MAP3K7: variants seen among roughly 807,000 people sequenced by gnomAD.
MAP3K7 encodes mitogen-activated protein kinase kinase kinase 7, also known as TGF-beta activated kinase 1.
In MAP3K7, 21 loss-of-function variants were observed where a neutral mutation model predicts 84.8. The observed-to-expected ratio is 0.25, with a 90% CI of 0.18 to 0.36. The LOEUF is 0.36. MAP3K7 is among the 10% of genes least tolerant of loss of function. The pLI, the probability that MAP3K7 is intolerant of heterozygous loss-of-function variation, is 1.00. For synonymous variants in MAP3K7, 241 were observed against 247.7 expected, an observed-to-expected ratio of 0.97 and a Z score of 0.25; for missense variants, 503 against 747.7, an observed-to-expected ratio of 0.67 and a Z score of 3.82.
chr6:90,558,550 C>T (rs1460935110), intron 5 of MAP3K7, among the ~76,000 whole-genome samples: 1 of 152,026 alleles, frequency 6.6e-6, no homozygotes, highest in Non-Finnish European at 1.5e-5. Flanking sequence ...AATAAATGAC[C>T]TAGACCAGAC....
chr6:90,550,684 A>G, intron 8 of MAP3K7, 135 bp from the exon 9 acceptor site: 1 of 550,184 alleles, frequency 1.8e-6, no homozygotes, highest in Non-Finnish European at 3.2e-6. Flanking sequence ...GATTACAATA[A>G]TGTACTCTTG....
chr6:90,574,059 T>A (rs958316170), intron 1 of MAP3K7, among the ~76,000 whole-genome samples: 5 of 152,222 alleles, frequency 3.3e-5, no homozygotes, highest in African/African-American at 1.2e-4. Context: ...TGAGTTTGAA[T>A]GTAGGGCTCT....
At chr6:90,527,677 C>A (rs957269019) in intron 13 of MAP3K7, among the ~76,000 whole-genome samples, 8 of 152,054 alleles carry the variant, frequency 5.3e-5, no homozygotes, top group Non-Finnish European at 1.2e-4. Context: ...AGGCCACAGG[C>A]GAGGAACACA....
intron 8 of MAP3K7, 186 bp downstream of exon 8, chr6:90,551,863 G>A (rs1776188814): frequency 1.8e-6 from 1 of 557,530 alleles, no homozygotes; most frequent in Non-Finnish European, 2.8e-6. Flanking sequence ...CAGTGATAAA[G>A]AACTAGATTT....
At chr6:90,567,314 T>G (rs1462482775) in intron 3 of MAP3K7, among the ~76,000 whole-genome samples, 6 of 152,160 alleles carry the variant, frequency 3.9e-5, no homozygotes, top group African/African-American at 1.2e-4. Flanking sequence ...AATCTACGCA[T>G]CTGACAAAGG....
chr6:90,544,591 A>G lies in MAP3K7; in HGVS notation c.1252T>C (p.Phe418Leu). 1 of 1,612,608 alleles carries G rather than the reference A, an allele frequency of 6.2e-7. No homozygotes were observed. Among genetic ancestry groups the G allele is most frequent in the South Asian group, 1.1e-5 (1 of 91,052 alleles). ...TCAGGGACATCCAGAATGTTGCCAAATGAAGCAGTTTTACGGTGGCCCCGT... is the reference window on the plus strand; with the variant it reads ...TCAGGGACATCCAGAATGTTGCCAAGTGAAGCAGTTTTACGGTGGCCCCGT... ...PKRGHRKTAS[F>L]GNILDVPEIV... Residue 418 changes from phenylalanine to leucine, a missense_variant, in exon 12 of 17, where the codon TTT becomes CTT. Around this residue, in one of 5 missense-constraint regions of MAP3K7, gnomAD observed 286 missense variants for 313.6 expected, o/e 0.91. Coordinates refer to ENST00000369329, the MANE Select transcript of MAP3K7 (RefSeq NM_145331.3).
At chr6:90,553,374 A>G (rs1178798569) in intron 7 of MAP3K7, 84 bp downstream of exon 7, 2 of 1,268,102 alleles carry the variant, frequency 1.6e-6, no homozygotes, top group African/African-American at 3.0e-5. Flanking sequence ...GAGATAAATG[A>G]TATTCTTTAG....
Position 90,553,434 on chromosome 6 carries a change from T to A in MAP3K7, c.736+24A>T, listed in dbSNP as rs1353955769. The A allele has an allele frequency of 2.5e-6, 4 of 1,601,214 alleles. No homozygotes were observed. In the African/African-American group the frequency reaches 4.1e-5, roughly 16 times the overall value. The stretch of plus-strand genomic sequence containing the variant: ...AAGTAGAAAACACAAAAAGTACTTT[T>A]AAGAAAAATTTCTTTTTACGAACCA... On this transcript the variant is annotated intron_variant, in intron 7 of 16. Transcript: ENST00000369329.
intron 13 of MAP3K7, among the ~76,000 whole-genome samples, chr6:90,534,791 C>CA (rs1374831398): frequency 2.6e-5 from 4 of 152,176 alleles, no homozygotes; most frequent in African/African-American, 9.7e-5. Context: ...ACAAGCTTCT[C>CA]ATTCCTAGTC....
intron 8 of MAP3K7, 137 bp from the exon 9 acceptor site, chr6:90,550,686 G>C (rs1173374992): frequency 7.3e-6 from 4 of 546,186 alleles, no homozygotes; most frequent in Non-Finnish European, 1.3e-5. Flanking sequence ...TTACAATAAT[G>C]TACTCTTGGA....
chr6:90,519,136 A>C (rs1381780309), intron 15 of MAP3K7, 122 bp downstream of exon 15: 4 of 636,618 alleles, frequency 6.3e-6, no homozygotes, highest in Non-Finnish European at 1.1e-5. Flanking sequence ...AAAAAGTTTA[A>C]GGAGGCCAAC....
At chr6:90,551,896 TCTGA>T (rs1776190053) in intron 8 of MAP3K7, 149 bp downstream of exon 8, 1 of 761,728 alleles carries the variant, frequency 1.3e-6, no homozygotes, top group African/African-American at 1.7e-5. Context: ...TGTTTCCTCT[TCTGA>T]CTATGAGTAA....
intron 12 of MAP3K7, chr6:90,542,306 T>C (rs1395597570): frequency 1.0e-6 from 1 of 983,680 alleles, no homozygotes; most frequent in Non-Finnish European, 1.2e-6. Context: ...CTACAGCTTG[T>C]ATTCTTCTAT....
chr6:90,523,108 TAGTTATTCATGTTGG>T (rs1475332360), intron 14 of MAP3K7, among the ~76,000 whole-genome samples: 2 of 152,168 alleles, frequency 1.3e-5, no homozygotes, highest in African/African-American at 2.4e-5. Context: ...TGTGAACAGT[TAGTTATTCATGTTGG>T]GGAGCTTTAA....
rs990290061 is a variant in MAP3K7 at position 90,527,270 on chromosome 6, C to CT, written c.1357-3488dup. Among the ~76,000 whole-genome samples the CT allele has an allele frequency of 1.4e-3, 205 of 147,866 alleles. 1 individual carries two copies. The highest frequency in any genetic ancestry group is 2.4e-3 in the Non-Finnish European group (157 of 66,662). ...GAAGAGAATTTCTTTTTCTTTCTTT[C>CT]TTTTTTTTTTGAGACAGGGTCTTGT... On this transcript the variant is annotated intron_variant, in intron 13 of 16. Coordinates refer to ENST00000369329, the MANE Select transcript of MAP3K7 (RefSeq NM_145331.3).
intron 1 of MAP3K7, among the ~76,000 whole-genome samples, chr6:90,578,568 C>T (rs1038507608): frequency 6.6e-6 from 1 of 152,108 alleles, no homozygotes; most frequent in Non-Finnish European, 1.5e-5. Context: ...AACCACTGCA[C>T]CTGGCCAGAG....
intron 5 of MAP3K7, among the ~76,000 whole-genome samples, chr6:90,559,156 A>G (rs1776426435): frequency 6.6e-6 from 1 of 152,244 alleles, no homozygotes; most frequent in Admixed American, 6.5e-5. Context: ...GGGAAACAGA[A>G]ATCAGTTTAA....
chr6:90,555,972 G>T (rs1051355236), intron 6 of MAP3K7, among the ~76,000 whole-genome samples: 3 of 152,126 alleles, frequency 2.0e-5, no homozygotes, highest in Non-Finnish European at 4.4e-5. Context: ...ATGCTTGAGG[G>T]CCATTTTAAG....
chr6:90,534,584 C>G (rs1775605875), intron 13 of MAP3K7, among the ~76,000 whole-genome samples: 1 of 152,150 alleles, frequency 6.6e-6, no homozygotes, highest in African/African-American at 2.4e-5. Flanking sequence ...CCATAGTTGG[C>G]CTCAGTTCCA....
Sources: allele counts gnomAD v4.1 joint callset (sites outside exome capture counted in the v4.1 genomes callset), GRCh38; gene constraint gnomAD v4.1.1; regional missense constraint gnomAD v4.1.1; transcripts MANE v1.5; gene names NCBI Gene and HGNC (gene_info 2026-07-23, HGNC 2026-07-21).